The following SHROOM3 variants were observed in gnomAD, a reference collection of about 807,000 sequenced individuals.
SHROOM3 encodes the protein protein Shroom3.
Under a neutral mutation model 138.6 loss-of-function variants are expected in SHROOM3, and 47 were observed. The ratio of observed to expected loss-of-function variants is 0.34; its 90% CI spans 0.27 to 0.43. The LOEUF is 0.43. SHROOM3 is among the 20% of genes least tolerant of loss of function. The pLI is 1.00. For missense variants in SHROOM3, 2,491 were observed against 2,596.5 expected (o/e 0.96, Z 0.88); for synonymous variants, 1,062 against 1,063.3 (o/e 1.00, Z 0.02).
chr4:76,492,685 T>C (rs867516489), intron 1 of SHROOM3, among the ~76,000 whole-genome samples: 1 of 152,244 alleles, frequency 6.6e-6, no homozygotes, highest in East Asian at 1.9e-4. Flanking sequence ...TGAGCTCCCA[T>C]TGTTGTTGAT....
intron 1 of SHROOM3, among the ~76,000 whole-genome samples, chr4:76,505,789 G>T (rs990851232): frequency 9.9e-5 from 15 of 150,982 alleles, no homozygotes; most frequent in African/African-American, 3.7e-4. Flanking sequence ...GCCTTCCAAA[G>T]AGACTACAGG....
At chr4:76,491,675 C>CT (rs1236757378) in intron 1 of SHROOM3, among the ~76,000 whole-genome samples, 1 of 152,158 alleles carries the variant, frequency 6.6e-6, no homozygotes, top group East Asian at 1.9e-4. Context: ...ACTCAGAGCC[C>CT]TGACACTGGG....
At chr4:76,581,561 G>T (rs1734054465) in intron 2 of SHROOM3, among the ~76,000 whole-genome samples, 1 of 152,146 alleles carries the variant, frequency 6.6e-6, no homozygotes, top group Non-Finnish European at 1.5e-5. Context: ...TAAAGTTACG[G>T]TGTCATCAGC....
At chr4:76,640,783 C>T (rs1437980246) in intron 2 of SHROOM3, among the ~76,000 whole-genome samples, 1 of 152,204 alleles carries the variant, frequency 6.6e-6, no homozygotes, top group Non-Finnish European at 1.5e-5. Context: ...GCCAGCACCC[C>T]AGGTGTCTCT....
At chr4:76,542,828 G>A (rs1409189579) in intron 1 of SHROOM3, among the ~76,000 whole-genome samples, 4 of 152,314 alleles carry the variant, frequency 2.6e-5, no homozygotes, top group Non-Finnish European at 1.5e-5. Flanking sequence ...CAGTGGTAAA[G>A]CTGAAGCCTG....
Position 76,694,782 on chromosome 4 carries a change from T to C in SHROOM3, c.324-15374T>C, listed in dbSNP as rs535009542. 2.0e-5 allele frequency among the ~76,000 whole-genome samples: 3 copies of C among 152,352 alleles called. No homozygotes were observed. The East Asian group carries it at 5.8e-4, about 29-fold the overall frequency. Reference sequence around the variant, plus strand: ...CCTGATAGGTGTTAATTCCTAACATTTATTGAGTACTTACTAGGAGTCAAG... The same window carrying C: ...CCTGATAGGTGTTAATTCCTAACATCTATTGAGTACTTACTAGGAGTCAAG... On this transcript the variant is annotated intron_variant, in intron 2 of 10. Transcript: ENST00000296043.
intron 2 of SHROOM3, among the ~76,000 whole-genome samples, chr4:76,667,734 T>C (rs1359345369): frequency 1.3e-5 from 2 of 151,420 alleles, no homozygotes; most frequent in Non-Finnish European, 3.0e-5. Flanking sequence ...TTTGGGAGGC[T>C]GAGGCGGGCG....
chr4:76,493,146 G>A (rs905850457), intron 1 of SHROOM3, among the ~76,000 whole-genome samples: 7 of 148,974 alleles, frequency 4.7e-5, no homozygotes, highest in Non-Finnish European at 1.0e-4. Context: ...GCTTGAACTC[G>A]AGAGGCGGCG....
At chr4:76,527,876 G>A (rs1732732666) in intron 1 of SHROOM3, among the ~76,000 whole-genome samples, 1 of 152,182 alleles carries the variant, frequency 6.6e-6, no homozygotes, top group Admixed American at 6.5e-5. Flanking sequence ...CAGATTGGCT[G>A]GGGCTTGGCT....
At chr4:76,720,456 C>T in intron 3 of SHROOM3, among the ~76,000 whole-genome samples, 1 of 152,044 alleles carries the variant, frequency 6.6e-6, no homozygotes. Flanking sequence ...TGTTTTTTGA[C>T]TTGGTCCCAG....
chr4:76,772,683 C>G (rs1481760673), intron 10 of SHROOM3, among the ~76,000 whole-genome samples: 1 of 152,140 alleles, frequency 6.6e-6, no homozygotes, highest in Non-Finnish European at 1.5e-5. Context: ...TTCTTCCACT[C>G]GACAAACAGC....
chr4:76,745,747 G>A (rs1175751236), intron 5 of SHROOM3, among the ~76,000 whole-genome samples: 1 of 152,190 alleles, frequency 6.6e-6, no homozygotes, highest in South Asian at 2.1e-4. Flanking sequence ...TTGGGAGGCC[G>A]AGGTGGCTAG....
At chr4:76,746,512 G>A (rs370067062) in intron 5 of SHROOM3, among the ~76,000 whole-genome samples, 1 of 152,246 alleles carries the variant, frequency 6.6e-6, no homozygotes, top group East Asian at 1.9e-4. Context: ...ATGTCATCTA[G>A]TTTCTGTAAG....
At position 76,436,127 on chromosome 4, in the gene SHROOM3, C is replaced by T; in HGVS notation, c.75C>T (p.Tyr25=). ...LNSNTATKGR[Y]IYLEAFLEGG... ...CTAACACGGCCACCAAGGGAAGGTACATTTATCTGGAGGCATTCCTGGAGG... is the reference window on the plus strand; with the variant it reads ...CTAACACGGCCACCAAGGGAAGGTATATTTATCTGGAGGCATTCCTGGAGG... The change falls in exon 1 of 11, where the codon TAC becomes TAT. Residue 25 remains tyrosine (Y), a synonymous_variant. Coordinates refer to ENST00000296043, the MANE Select transcript of SHROOM3 (RefSeq NM_020859.4). 3 of 1,614,046 alleles carry T rather than the reference C, an allele frequency of 1.9e-6. No individual in the cohort carries two copies. Among genetic ancestry groups the T allele is most frequent in the Non-Finnish European group, 2.5e-6 (3 of 1,179,936 alleles).
At chr4:76,685,374 C>CAA (rs369922459) in intron 2 of SHROOM3, among the ~76,000 whole-genome samples, 2 of 144,398 alleles carry the variant, frequency 1.4e-5, no homozygotes, top group African/African-American at 5.0e-5. Flanking sequence ...AGCTAAAAAA[C>CAA]AAAAAAAAAT....
intron 1 of SHROOM3, among the ~76,000 whole-genome samples, chr4:76,550,466 A>G (rs1217612704): frequency 6.6e-6 from 1 of 152,186 alleles, no homozygotes; most frequent in Non-Finnish European, 1.5e-5. Flanking sequence ...TGGGTTGATA[A>G]GGAGACATTT....
At chr4:76,751,520 T>C (rs1052122964) in intron 6 of SHROOM3, among the ~76,000 whole-genome samples, 5 of 152,236 alleles carry the variant, frequency 3.3e-5, no homozygotes, top group African/African-American at 9.6e-5. Flanking sequence ...TATACTTCTT[T>C]CCTGTTTTCA....
chr4:76,469,845 A>G (rs1157716207), intron 1 of SHROOM3, among the ~76,000 whole-genome samples: 1 of 152,160 alleles, frequency 6.6e-6, no homozygotes, highest in Non-Finnish European at 1.5e-5. Context: ...GCTGGGTTTG[A>G]TTTGAAAAGA....
rs199611776 is a variant in SHROOM3, at chr4:76,555,592, T to G, written c.169-17T>G. The G allele has an allele frequency of 2.5e-5, 41 of 1,612,676 alleles. No homozygotes were observed. The East Asian group carries it at 8.9e-4, about 35-fold the overall frequency. ...GGAAAGCTCACTCGTGGCTGTCGCA[T>G]CTCTCCCTCCAAGCAGGTCGAAGAA... On this transcript the variant is annotated splice_polypyrimidine_tract_variant and intron_variant, in intron 1 of 10. Coordinates refer to ENST00000296043, the MANE Select transcript of SHROOM3 (RefSeq NM_020859.4).
Sources: gnomAD v4.1 joint callset for allele counts (sites outside exome capture counted in the v4.1 genomes callset) on GRCh38, gnomAD v4.1.1 for gene constraint, MANE v1.5 for transcripts, NCBI Gene and HGNC (gene_info 2026-07-23, HGNC 2026-07-21) for gene names.